Variants in SLC35F3 observed in about 807,000 individuals in gnomAD.
The protein encoded by SLC35F3 is solute carrier family 35 member F3.
SLC35F3 carries 25 observed loss-of-function variants against 49.9 expected under a neutral mutation model. The observed-to-expected ratio is 0.50, with a 90% CI of 0.37 to 0.70. The LOEUF (loss-of-function observed/expected upper bound fraction) is 0.70, where lower values mean the gene tolerates loss of function less well. Ranked by LOEUF, SLC35F3 falls within the 30% of genes least tolerant of loss-of-function variation. SLC35F3 has a pLI of 0.00. For synonymous variants in SLC35F3, 275 were observed against 265.4 expected, an observed-to-expected ratio of 1.04 and a Z score of -0.35; for missense variants, 525 against 639.8, an observed-to-expected ratio of 0.82 and a Z score of 1.94.
intron 2 of SLC35F3, among the ~76,000 whole-genome samples, chr1:234,129,907 T>G (rs1178022957): frequency 1.3e-5 from 2 of 152,116 alleles, no homozygotes; most frequent in Non-Finnish European, 2.9e-5. Flanking sequence ...AAACAAAAAT[T>G]AATTCTAAAT....
intron 2 of SLC35F3, among the ~76,000 whole-genome samples, chr1:234,111,678 C>G (rs1665408810): frequency 6.6e-6 from 1 of 152,240 alleles, no homozygotes; most frequent in Non-Finnish European, 1.5e-5. Context: ...TCTGCTGACT[C>G]CAGCCAGCAG....
intron 3 of SLC35F3, among the ~76,000 whole-genome samples, chr1:234,244,527 C>T (rs1369836785): frequency 1.3e-5 from 2 of 152,170 alleles, no homozygotes; most frequent in East Asian, 3.8e-4. Context: ...AGAAGCTGTT[C>T]CTCTATCATC....
chr1:234,226,090 T>C (rs901833722), intron 2 of SLC35F3, among the ~76,000 whole-genome samples: 15 of 152,348 alleles, frequency 9.8e-5, no homozygotes, highest in African/African-American at 3.6e-4. Context: ...AATGATACTA[T>C]GGTAATGGTT....
chr1:233,949,928 G>T (rs1435202501), intron 2 of SLC35F3, among the ~76,000 whole-genome samples: 1 of 152,110 alleles, frequency 6.6e-6, no homozygotes, highest in Non-Finnish European at 1.5e-5. Flanking sequence ...ACAGCAAACA[G>T]CTAAGATGTT....
At chr1:234,126,483 G>GTGTGTGT (rs906655048) in intron 2 of SLC35F3, among the ~76,000 whole-genome samples, 2 of 151,998 alleles carry the variant, frequency 1.3e-5, no homozygotes, top group Non-Finnish European at 2.9e-5. Context: ...TTACATGTGT[G>GTGTGTGT]TGTGTGTGTA....
intron 2 of SLC35F3, among the ~76,000 whole-genome samples, chr1:234,075,192 A>G (rs994609012): frequency 6.6e-6 from 1 of 152,250 alleles, no homozygotes; most frequent in Non-Finnish European, 1.5e-5. Flanking sequence ...AACAAAGGAC[A>G]CAGATGATTT....
intron 2 of SLC35F3, among the ~76,000 whole-genome samples, chr1:234,158,689 C>T (rs1358628451): frequency 6.6e-6 from 1 of 152,198 alleles, no homozygotes; most frequent in Non-Finnish European, 1.5e-5. Context: ...CTAGTATCAA[C>T]TCCTAGACAT....
At chr1:234,031,528 T>C (rs1183747238) in intron 2 of SLC35F3, among the ~76,000 whole-genome samples, 1 of 152,188 alleles carries the variant, frequency 6.6e-6, no homozygotes, top group Non-Finnish European at 1.5e-5. Context: ...CCATTTGCCA[T>C]GTTCTGAGTG....
intron 2 of SLC35F3, among the ~76,000 whole-genome samples, chr1:234,178,850 A>G (rs75377363): frequency 6.6e-6 from 1 of 152,190 alleles, no homozygotes; most frequent in South Asian, 2.1e-4. Flanking sequence ...ATCTTGACAA[A>G]TGTCTAATGA....
chr1:234,038,593 C>T (rs12062819), intron 2 of SLC35F3, among the ~76,000 whole-genome samples: 16,024 of 152,142 alleles, frequency 0.11, 1,300 homozygotes, highest in East Asian at 0.25. Flanking sequence ...GTGTAAAAAA[C>T]AGACACTTCT....
chr1:234,172,665 C>T (rs1413907465), intron 2 of SLC35F3, among the ~76,000 whole-genome samples: 1 of 152,192 alleles, frequency 6.6e-6, no homozygotes, highest in Non-Finnish European at 1.5e-5. Flanking sequence ...CTACTATACA[C>T]CTAGGCTATA....
At chr1:234,131,936 G>C (rs975004264) in intron 2 of SLC35F3, among the ~76,000 whole-genome samples, 8 of 152,172 alleles carry the variant, frequency 5.3e-5, no homozygotes, top group African/African-American at 1.9e-4. Flanking sequence ...CAAAGATTTT[G>C]TTTATTCTAG....
chr1:234,267,513 C>A (rs1668007652), intron 3 of SLC35F3, among the ~76,000 whole-genome samples: 2 of 147,396 alleles, frequency 1.4e-5, no homozygotes, highest in African/African-American at 2.6e-5. Flanking sequence ...GGGGGCTGAC[C>A]CCCCCACCTC....
chr1:234,311,593 A>G (rs998994148), intron 4 of SLC35F3, among the ~76,000 whole-genome samples: 4 of 152,240 alleles, frequency 2.6e-5, no homozygotes, highest in African/African-American at 9.6e-5. Context: ...GAAAACATCA[A>G]TAGGTCGAAG....
chr1:234,222,487 C>T (rs1411125326), intron 2 of SLC35F3, among the ~76,000 whole-genome samples: 1 of 152,172 alleles, frequency 6.6e-6, no homozygotes, highest in Admixed American at 6.5e-5. Context: ...TTTCATCTAA[C>T]ACTCCATCCA....
chr1:234,009,500 C>A (rs1663681184), intron 2 of SLC35F3, among the ~76,000 whole-genome samples: 1 of 152,172 alleles, frequency 6.6e-6, no homozygotes, highest in Non-Finnish European at 1.5e-5. Context: ...TTGTTTTCTG[C>A]CTTTTTGAAT....
intron 2 of SLC35F3, among the ~76,000 whole-genome samples, chr1:234,141,058 T>C (rs1162625713): frequency 6.6e-6 from 1 of 152,208 alleles, no homozygotes; most frequent in Non-Finnish European, 1.5e-5. Context: ...AGCGACCATG[T>C]AGTGGAACAA....
chr1:233,942,205 C>T (rs1662438373), intron 2 of SLC35F3, among the ~76,000 whole-genome samples: 2 of 151,904 alleles, frequency 1.3e-5, no homozygotes, highest in South Asian at 4.2e-4. Flanking sequence ...TTGTGAGCCG[C>T]CCGCCTCAGC....
intron 2 of SLC35F3, among the ~76,000 whole-genome samples, chr1:234,159,308 G>A (rs1666194649): frequency 6.6e-6 from 1 of 152,184 alleles, no homozygotes; most frequent in Non-Finnish European, 1.5e-5. Context: ...GCTGGGCACG[G>A]TGGTTCACGC....
Sources: gnomAD v4.1 joint callset for allele counts (sites outside exome capture counted in the v4.1 genomes callset) on GRCh38, gnomAD v4.1.1 for gene constraint, MANE v1.5 for transcripts, NCBI Gene and HGNC (gene_info 2026-07-23, HGNC 2026-07-21) for gene names.